PPP3CB: variants seen among roughly 807,000 people sequenced by gnomAD.
PPP3CB encodes protein phosphatase 3 catalytic subunit beta, also known as serine/threonine-protein phosphatase 2B catalytic subunit beta isoform.
A neutral mutation model predicts 66.4 loss-of-function variants in PPP3CB; 8 were observed. The observed-to-expected ratio is 0.12, with a 90% CI of 0.07 to 0.22. PPP3CB has a LOEUF of 0.22. Among genes scored for constraint, PPP3CB ranks in the 10% least tolerant of loss-of-function variants. PPP3CB has a pLI of 1.00. For missense variants in PPP3CB, 319 were observed against 642.5 expected (o/e 0.50, Z 5.44); for synonymous variants, 208 against 221.2 (o/e 0.94, Z 0.53).
intron 12 of PPP3CB, chr10:73,444,512 T>C (rs2056214017): frequency 6.9e-7 from 1 of 1,451,578 alleles, no homozygotes; most frequent in African/African-American, 1.4e-5. Flanking sequence ...TGACCATTAT[T>C]TTCAATTGAA....
chr10:73,493,991 A>T (rs1370615456), intron 1 of PPP3CB, among the ~76,000 whole-genome samples: 1 of 152,180 alleles, frequency 6.6e-6, no homozygotes, highest in East Asian at 1.9e-4. Context: ...GCATAAACTC[A>T]TTGTTCAGGA....
At chr10:73,467,075 A>G (rs2132906016) in intron 9 of PPP3CB, 1 of 152,282 alleles carries the variant, frequency 6.6e-6, no homozygotes, top group South Asian at 2.1e-4. Context: ...ATATAAGAGA[A>G]GGAATATTGG....
At chr10:73,463,353 C>T (rs2056562951) in intron 9 of PPP3CB, among the ~76,000 whole-genome samples, 1 of 152,214 alleles carries the variant, frequency 6.6e-6, no homozygotes, top group Non-Finnish European at 1.5e-5. Context: ...CAGTCAAATT[C>T]CATCTCAATG....
intron 12 of PPP3CB, chr10:73,444,448 T>G: frequency 2.3e-6 from 2 of 863,020 alleles, no homozygotes; most frequent in Non-Finnish European, 1.7e-6. Context: ...AATAAATATT[T>G]CAGACATTAT....
chr10:73,479,957 T>C (rs962777729), intron 1 of PPP3CB, among the ~76,000 whole-genome samples: 1 of 151,964 alleles, frequency 6.6e-6, no homozygotes, highest in African/African-American at 2.4e-5. Flanking sequence ...AGGCCAGAAA[T>C]TGGAGACCAG....
Position 73,489,931 on chromosome 10 carries a change from C to T in PPP3CB, c.85+5874G>A, listed in dbSNP as rs114669224. ...CCTCGAAACATTATCCTCTCAGTGA[C>T]GCTTTCCCTCAAAGTAAGATAGCCA... is the stretch of plus-strand genomic sequence containing the variant. On this transcript the variant is annotated intron_variant, in intron 1 of 13. Transcript: ENST00000360663. Among the ~76,000 whole-genome samples, 445 of 152,230 alleles carry T rather than the reference C, an allele frequency of 2.9e-3. 2 individuals are homozygous for T. Among genetic ancestry groups the T allele is most frequent in the African/African-American group, 0.01 (429 of 41,548 alleles).
At chr10:73,476,340 G>A (rs1004062141) in intron 3 of PPP3CB, among the ~76,000 whole-genome samples, 1 of 152,118 alleles carries the variant, frequency 6.6e-6, no homozygotes, top group Non-Finnish European at 1.5e-5. Context: ...GCTACATCCA[G>A]GCGCAGTGGC....
chr10:73,474,536 G>A (rs929344239), intron 4 of PPP3CB, among the ~76,000 whole-genome samples: 3 of 151,686 alleles, frequency 2.0e-5, no homozygotes, highest in Non-Finnish European at 4.4e-5. Flanking sequence ...AGGCTCAAGC[G>A]ATCCTCCCAC....
chr10:73,452,887 C>T (rs2056369512), intron 10 of PPP3CB, among the ~76,000 whole-genome samples: 2 of 152,170 alleles, frequency 1.3e-5, no homozygotes, highest in African/African-American at 2.4e-5. Context: ...TTACCTTGTA[C>T]TTTCAACAAA....
At chr10:73,468,731 TACTA>T (rs1177909275) in intron 8 of PPP3CB, among the ~76,000 whole-genome samples, 1 of 152,238 alleles carries the variant, frequency 6.6e-6, no homozygotes, top group East Asian at 1.9e-4. Flanking sequence ...TGTTACTGTT[TACTA>T]ACTTAATAAG....
chr10:73,471,437 A>C (rs1366775326), intron 5 of PPP3CB, 31 bp downstream of exon 5: 3 of 1,571,714 alleles, frequency 1.9e-6, no homozygotes, highest in Non-Finnish European at 2.6e-6. Flanking sequence ...TATAAATAGA[A>C]ATCAATCTCG....
At chr10:73,453,129 A>C (rs772314190) in intron 10 of PPP3CB, among the ~76,000 whole-genome samples, 3 of 152,182 alleles carry the variant, frequency 2.0e-5, no homozygotes, top group Non-Finnish European at 2.9e-5. Flanking sequence ...ACCAAAATCC[A>C]ATGAGGTAGT....
chr10:73,481,639 A>C (rs1240455309), intron 1 of PPP3CB, among the ~76,000 whole-genome samples: 1 of 151,768 alleles, frequency 6.6e-6, no homozygotes, highest in Admixed American at 6.6e-5. Context: ...AAAAAACAAA[A>C]AAAAAAACTA....
In PPP3CB at chr10:73,467,649, T is replaced by A; in HGVS notation, c.1012A>T (p.Met338Leu). 6.4e-7 allele frequency: 1 copy of A among 1,567,240 alleles called. No homozygotes were observed. Among genetic ancestry groups the A allele is most frequent in the Non-Finnish European group, 8.7e-7 (1 of 1,152,782 alleles). ...GAACAGTTAAACTGTCGAATATTCA[T>A]CACATTATTTTCATACTTTAATACA... Reference protein sequence around the residue: ...AAVLKYENNVMNIRQFNCSPH... With the variant: ...AAVLKYENNVLNIRQFNCSPH... Residue 338 changes from methionine to leucine, a missense_variant, in exon 9 of 14, where the codon ATG becomes TTG. Around this residue, in one of 5 missense-constraint regions of PPP3CB, gnomAD observed 120 missense variants for 331.2 expected, o/e 0.36. Coordinates refer to ENST00000360663, the MANE Select transcript of PPP3CB (RefSeq NM_021132.4).
chr10:73,462,444 T>C (rs530923400), intron 9 of PPP3CB, among the ~76,000 whole-genome samples: 5 of 152,080 alleles, frequency 3.3e-5, no homozygotes, highest in African/African-American at 9.7e-5. Flanking sequence ...GCTCAGCTAA[T>C]GTTATAAATC....
intron 3 of PPP3CB, chr10:73,477,231 G>A: frequency 1.9e-6 from 1 of 517,194 alleles, no homozygotes; most frequent in Admixed American, 2.0e-5. Flanking sequence ...TATTAAATGT[G>A]CAACACAGGT....
chr10:73,471,457 T>C lies in PPP3CB; in HGVS notation c.669+11A>G, dbSNP rs762678286. Reference sequence around the variant, plus strand: ...ATAGAAATCAATCTCGGAAGTAAAATATATACTTACTCTCCTAATATCATC... The same window carrying C: ...ATAGAAATCAATCTCGGAAGTAAAACATATACTTACTCTCCTAATATCATC... On this transcript the variant is annotated intron_variant, in intron 5 of 13. Transcript: ENST00000360663. The C allele has an allele frequency of 1.1e-5, 18 of 1,586,870 alleles. No individual in the cohort carries two copies. Among genetic ancestry groups the C allele is most frequent in the Non-Finnish European group, 1.3e-5 (15 of 1,169,862 alleles).
intron 8 of PPP3CB, among the ~76,000 whole-genome samples, chr10:73,469,266 G>T (rs1055300911): frequency 1.3e-5 from 2 of 152,206 alleles, no homozygotes; most frequent in Admixed American, 6.6e-5. Flanking sequence ...TCAGGGCAGG[G>T]GCGCAGTGGC....
At chr10:73,460,265 CA>C (rs11447229) in intron 9 of PPP3CB, among the ~76,000 whole-genome samples, 2,574 of 35,828 alleles carry the variant, frequency 0.072, 16 homozygotes, top group South Asian at 0.11. Context: ...AAAGTAATAG[CA>C]AAAAAAAAAA....
Sources: gnomAD v4.1 joint callset for allele counts (sites outside exome capture counted in the v4.1 genomes callset) on GRCh38, gnomAD v4.1.1 for gene constraint, gnomAD v4.1.1 regional missense constraint, MANE v1.5 for transcripts, NCBI Gene and HGNC (gene_info 2026-07-23, HGNC 2026-07-21) for gene names.